ASIC2: variants seen among roughly 807,000 people sequenced by gnomAD.
ASIC2 encodes acid-sensing ion channel 2.
In ASIC2, 25 loss-of-function variants were observed where a neutral mutation model predicts 57.3. That is an observed-to-expected ratio of 0.44 (90% CI 0.32 to 0.61). ASIC2 has a LOEUF of 0.61. Ranked by LOEUF, ASIC2 falls within the 20% of genes least tolerant of loss-of-function variation. The probability of loss-of-function intolerance (pLI) is 0.06; values close to 1 mark genes in which losing one functional copy is unlikely to be tolerated. For missense variants in ASIC2, 641 were observed against 738.1 expected (o/e 0.87, Z 1.52); for synonymous variants, 319 against 307.5 (o/e 1.04, Z -0.39).
intron 1 of ASIC2, among the ~76,000 whole-genome samples, chr17:34,148,912 G>A (rs1043772083): frequency 3.3e-5 from 5 of 152,208 alleles, no homozygotes; most frequent in African/African-American, 4.8e-5. Context: ...AACATTGATT[G>A]GATGTGTACT....
intron 1 of ASIC2, among the ~76,000 whole-genome samples, chr17:33,726,058 A>G (rs1686043367): frequency 6.6e-6 from 1 of 152,150 alleles, no homozygotes; most frequent in South Asian, 2.1e-4. Flanking sequence ...ACCTTTCCAC[A>G]TGGAAGGCAG....
intron 1 of ASIC2, among the ~76,000 whole-genome samples, chr17:33,674,606 A>G (rs1360679623): frequency 6.6e-6 from 1 of 152,220 alleles, no homozygotes; most frequent in Non-Finnish European, 1.5e-5. Flanking sequence ...TCTTCACTTT[A>G]TAGATATGGG....
rs1904728171 is a variant in ASIC2, at chr17:33,588,757, T to C, written c.556-476690A>G. On this transcript the variant is annotated intron_variant, in intron 1 of 9. Coordinates refer to the ASIC2 transcript ENST00000359872. ...GGGGTCAAGTGTGGCTCCCCAGATA[T>C]GGAGATGTTTGAGCCTGAAGGAAGA... Among the ~76,000 whole-genome samples, 4 of 152,208 alleles carry C rather than the reference T, an allele frequency of 2.6e-5. No individual in the cohort carries two copies. The South Asian group carries it at 8.3e-4, about 32-fold the overall frequency.
chr17:33,281,446 G>T (rs1904943660), intron 1 of ASIC2, among the ~76,000 whole-genome samples: 1 of 152,206 alleles, frequency 6.6e-6, no homozygotes, highest in Admixed American at 6.5e-5. Flanking sequence ...TTACATACAA[G>T]AGAGCAGGAA....
chr17:33,546,689 A>G (rs1163176616), intron 1 of ASIC2, among the ~76,000 whole-genome samples: 1 of 152,168 alleles, frequency 6.6e-6, no homozygotes, highest in Non-Finnish European at 1.5e-5. Context: ...CCTCATGGGT[A>G]GGGCAATTCT....
intron 1 of ASIC2, among the ~76,000 whole-genome samples, chr17:33,136,814 G>T (rs2092368893): frequency 6.6e-6 from 1 of 152,208 alleles, no homozygotes; most frequent in Non-Finnish European, 1.5e-5. Flanking sequence ...CTGGACTAGG[G>T]TAACAGCACA....
At position 33,313,277 on chromosome 17, in the gene ASIC2, T is replaced by C. The variant is rs116312554; in HGVS notation, c.556-201210A>G. Among the ~76,000 whole-genome samples the C allele has an allele frequency of 2.2e-3, 333 of 151,232 alleles. 2 individuals are homozygous for C. Among genetic ancestry groups the C allele is most frequent in the African/African-American group, 7.9e-3 (327 of 41,176 alleles). On this transcript the variant is annotated intron_variant, in intron 1 of 9. Coordinates refer to the ASIC2 transcript ENST00000359872. Reference sequence around the variant, plus strand: ...AGGAGTTTGTGGTTTCAGTGAGCTATGATTGCCGTCACTGCACTCTGCCCT... The same window carrying C: ...AGGAGTTTGTGGTTTCAGTGAGCTACGATTGCCGTCACTGCACTCTGCCCT...
At chr17:33,041,099 C>A (rs565509882) in intron 3 of ASIC2, among the ~76,000 whole-genome samples, 1 of 152,148 alleles carries the variant, frequency 6.6e-6, no homozygotes, top group Non-Finnish European at 1.5e-5. Context: ...AGCCCTGGAG[C>A]CTGTTCTCTC....
At chr17:33,199,130 T>A (rs971142809) in intron 1 of ASIC2, among the ~76,000 whole-genome samples, 2 of 152,254 alleles carry the variant, frequency 1.3e-5, no homozygotes, top group Non-Finnish European at 2.9e-5. Flanking sequence ...AGACCATTCC[T>A]GCACTGTGGG....
chr17:33,707,486 C>T (rs1175296724), intron 1 of ASIC2, among the ~76,000 whole-genome samples: 1 of 152,126 alleles, frequency 6.6e-6, no homozygotes. Flanking sequence ...TTTGTCCATT[C>T]TATCAAACTT....
At chr17:34,126,190 T>G (rs1288568520) in intron 1 of ASIC2, among the ~76,000 whole-genome samples, 5 of 152,196 alleles carry the variant, frequency 3.3e-5, no homozygotes, top group African/African-American at 1.2e-4. Context: ...GGCCCTGAGC[T>G]GTCATGAGGA....
chr17:33,123,017 A>G (rs1323718256), intron 1 of ASIC2, among the ~76,000 whole-genome samples: 1 of 152,254 alleles, frequency 6.6e-6, no homozygotes, highest in African/African-American at 2.4e-5. Flanking sequence ...CGTAGAGAAA[A>G]GGGAACATGT....
intron 1 of ASIC2, among the ~76,000 whole-genome samples, chr17:33,677,720 T>C (rs1907869224): frequency 6.6e-6 from 1 of 152,196 alleles, no homozygotes; most frequent in African/African-American, 2.4e-5. Flanking sequence ...TGTGACTGAA[T>C]TGCTTCAATC....
chr17:33,792,591 G>A (rs1385992728), intron 1 of ASIC2: 1 of 152,170 alleles, frequency 6.6e-6, no homozygotes, highest in Non-Finnish European at 1.5e-5. Flanking sequence ...TTTGAAAACT[G>A]TCACAACTGG....
chr17:33,332,345 C>T (rs942927932), intron 1 of ASIC2, among the ~76,000 whole-genome samples: 1 of 152,178 alleles, frequency 6.6e-6, no homozygotes, highest in Non-Finnish European at 1.5e-5. Flanking sequence ...CATGTTTTAT[C>T]TAACCCAATA....
intron 1 of ASIC2, among the ~76,000 whole-genome samples, chr17:33,563,098 C>T (rs894264877): frequency 3.3e-5 from 5 of 152,088 alleles, no homozygotes; most frequent in African/African-American, 4.8e-5. Context: ...GCCAGCCACC[C>T]GTCAAACTGG....
intron 1 of ASIC2, among the ~76,000 whole-genome samples, chr17:33,635,399 C>A (rs1162806561): frequency 6.6e-6 from 1 of 152,216 alleles, no homozygotes; most frequent in African/African-American, 2.4e-5. Flanking sequence ...TATCTCACGG[C>A]TGTGAGGCAT....
chr17:34,013,866 C>T (rs1597974101), intron 1 of ASIC2, among the ~76,000 whole-genome samples: 1 of 152,290 alleles, frequency 6.6e-6, no homozygotes, highest in South Asian at 2.1e-4. Context: ...CCTCTGCTTT[C>T]TTTACCCCGC....
chr17:33,027,740 A>G (rs928650890), intron 4 of ASIC2, among the ~76,000 whole-genome samples: 2 of 152,236 alleles, frequency 1.3e-5, no homozygotes, highest in Non-Finnish European at 2.9e-5. Flanking sequence ...GCCTCTGATA[A>G]GCCAACTGTG....
Sources: gnomAD v4.1 joint callset for allele counts (sites outside exome capture counted in the v4.1 genomes callset) on GRCh38, gnomAD v4.1.1 for gene constraint, MANE v1.5 for transcripts, NCBI Gene and HGNC (gene_info 2026-07-23, HGNC 2026-07-21) for gene names.